The following CPEB2 variants were observed in gnomAD, a reference collection of about 807,000 sequenced individuals.
The protein encoded by CPEB2 is cytoplasmic polyadenylation element binding protein 2.
In CPEB2, 56 loss-of-function variants were observed where a neutral mutation model predicts 93.6. The observed-to-expected ratio is 0.60, with a 90% CI of 0.48 to 0.75. The LOEUF is 0.75. CPEB2 is among the 30% of genes least tolerant of loss of function. The pLI is 0.00. For synonymous variants in CPEB2, 764 were observed against 586.3 expected, an observed-to-expected ratio of 1.30 and a Z score of -4.38; for missense variants, 1,579 against 1,395.1, an observed-to-expected ratio of 1.13 and a Z score of -2.10.
intron 10 of CPEB2, among the ~76,000 whole-genome samples, chr4:15,061,097 C>T (rs7696210): frequency 2.6e-5 from 4 of 152,042 alleles, no homozygotes; most frequent in African/African-American, 4.8e-5. Flanking sequence ...TTTAATATAC[C>T]GAGTGTGGCC....
intron 4 of CPEB2, 22 bp downstream of exon 4, chr4:15,017,300 T>A (rs1724279722): frequency 4.0e-6 from 5 of 1,260,352 alleles, no homozygotes; most frequent in African/African-American, 1.5e-5. Context: ...TTTAAAAAAA[T>A]ATATGTTTAT....
intron 5 of CPEB2, among the ~76,000 whole-genome samples, chr4:15,037,402 T>C (rs1301079319): frequency 6.6e-6 from 1 of 152,206 alleles, no homozygotes; most frequent in Non-Finnish European, 1.5e-5. Flanking sequence ...TTTAGTTTCC[T>C]CATCAAGAGA....
At chr4:15,027,254 T>C (rs1725586926) in intron 4 of CPEB2, among the ~76,000 whole-genome samples, 1 of 152,204 alleles carries the variant, frequency 6.6e-6, no homozygotes, top group African/African-American at 2.4e-5. Flanking sequence ...AGTCTTAAAA[T>C]ATGATTAGGC....
At chr4:15,054,761 C>T (rs915978971) in intron 8 of CPEB2, among the ~76,000 whole-genome samples, 3 of 151,984 alleles carry the variant, frequency 2.0e-5, no homozygotes, top group Admixed American at 1.3e-4. Context: ...ATCAAGTCAC[C>T]ATCTGTGGGG....
rs115088375 is a variant in CPEB2, at chr4:15,022,892, T to C, written c.2125+5614T>C. Among the ~76,000 whole-genome samples, 392 of 152,224 alleles carry C rather than the reference T, an allele frequency of 2.6e-3. 2 individuals are homozygous for C. Among genetic ancestry groups the C allele is most frequent in the African/African-American group, 8.8e-3 (366 of 41,572 alleles). ...TGAAAGTTTTTGTTTTAAAAAAACA[T>C]TTGAAATATGACATCATGGATGGAG... is the stretch of plus-strand genomic sequence containing the variant. On this transcript the variant is annotated intron_variant, in intron 4 of 11. Transcript: ENST00000538197.
chr4:15,056,958 A>G (rs1271688040), intron 8 of CPEB2, among the ~76,000 whole-genome samples: 2 of 152,146 alleles, frequency 1.3e-5, no homozygotes, highest in Non-Finnish European at 2.9e-5. Flanking sequence ...AATATTAAAG[A>G]TATTGAATTT....
chr4:15,044,477 AT>A (rs1727473131), intron 6 of CPEB2, among the ~76,000 whole-genome samples: 1 of 152,198 alleles, frequency 6.6e-6, no homozygotes, highest in Non-Finnish European at 1.5e-5. Flanking sequence ...ATTTTAAAGC[AT>A]ATATATCTAG....
intron 6 of CPEB2, among the ~76,000 whole-genome samples, chr4:15,041,037 A>T (rs1727131844): frequency 6.6e-6 from 1 of 152,154 alleles, no homozygotes; most frequent in African/African-American, 2.4e-5. Context: ...ACACACAAAC[A>T]CATACCTTCT....
intron 11 of CPEB2, among the ~76,000 whole-genome samples, chr4:15,064,844 T>G (rs1360178947): frequency 6.6e-6 from 1 of 152,042 alleles, no homozygotes; most frequent in African/African-American, 2.4e-5. Context: ...AGATAAAAAT[T>G]AAGCATAACA....
intron 4 of CPEB2, chr4:15,017,572 G>C (rs541166828): frequency 1.0e-5 from 2 of 200,972 alleles, no homozygotes; most frequent in Non-Finnish European, 2.0e-5. Context: ...CACTTTTCTA[G>C]AATTCTTTCA....
At chr4:15,019,881 TCAAA>T (rs952578936) in intron 4 of CPEB2, among the ~76,000 whole-genome samples, 8 of 152,134 alleles carry the variant, frequency 5.3e-5, no homozygotes, top group African/African-American at 1.9e-4. Flanking sequence ...ATACATTATC[TCAAA>T]CAATTTCTGT....
rs567414102 is a variant in CPEB2, at chr4:15,037,552, C to A, written c.2177-2912C>A. Among the ~76,000 whole-genome samples, 11 of 152,156 alleles carry A rather than the reference C, an allele frequency of 7.2e-5. No homozygotes were observed. In the East Asian group the frequency reaches 1.9e-3, roughly 27 times the overall value. Reference sequence around the variant, plus strand: ...TTTCTAGTCAGAATATTAGAATCATCCTGTTTTTGTTTTTTGTAGCTATGG... The same window carrying A: ...TTTCTAGTCAGAATATTAGAATCATACTGTTTTTGTTTTTTGTAGCTATGG... On this transcript the variant is annotated intron_variant, in intron 5 of 11. Transcript: ENST00000538197.
At chr4:15,040,379 A>G in intron 5 of CPEB2, 85 bp from the exon 6 acceptor site, 2 of 1,314,332 alleles carry the variant, frequency 1.5e-6, no homozygotes, top group Non-Finnish European at 2.1e-6. Context: ...AGATGCCCAC[A>G]TAGCTTTTCG....
At chr4:15,011,441 A>T (rs1308406800) in intron 3 of CPEB2, among the ~76,000 whole-genome samples, 1 of 152,062 alleles carries the variant, frequency 6.6e-6, no homozygotes, top group African/African-American at 2.4e-5. Context: ...TAATTACTGT[A>T]CTTTAAAATG....
chr4:15,030,195 T>TA (rs1475731013), intron 4 of CPEB2, among the ~76,000 whole-genome samples: 1 of 152,090 alleles, frequency 6.6e-6, no homozygotes, highest in Non-Finnish European at 1.5e-5. Context: ...TCTTAAATTA[T>TA]GAAATATACT....
At chr4:15,062,874 G>A (rs1263415376) in intron 11 of CPEB2, among the ~76,000 whole-genome samples, 3 of 151,988 alleles carry the variant, frequency 2.0e-5, no homozygotes, top group Non-Finnish European at 4.4e-5. Context: ...AGAAGTACTA[G>A]GAATGATAAC....
intron 4 of CPEB2, among the ~76,000 whole-genome samples, chr4:15,031,333 G>A (rs1279128924): frequency 6.6e-6 from 1 of 151,146 alleles, no homozygotes; most frequent in African/African-American, 2.4e-5. Context: ...GCCTTAAACT[G>A]TTCTCCAAAT....
In CPEB2 at chr4:15,066,476, C is replaced by A; in HGVS notation, c.*96C>A. ...GACATGCAGAAGAAATAAGTGCATTCTTCTGCTTTTCACCCCAGCTATCAA... is the reference window on the plus strand; with the variant it reads ...GACATGCAGAAGAAATAAGTGCATTATTCTGCTTTTCACCCCAGCTATCAA... On this transcript the variant is annotated 3_prime_UTR_variant, in exon 12 of 12. Coordinates refer to ENST00000538197, the MANE Select transcript of CPEB2 (RefSeq NM_001177382.2). The A allele has an allele frequency of 1.1e-6, 1 of 876,494 alleles. No homozygotes were observed. The highest frequency in any genetic ancestry group is 1.6e-5 in the South Asian group (1 of 63,468). 54.3% of individuals were successfully genotyped at this position (876,494 alleles called of 1,614,324 possible).
intron 5 of CPEB2, 88 bp from the exon 6 acceptor site, chr4:15,040,376 C>G (rs967947917): frequency 6.4e-6 from 8 of 1,242,404 alleles, no homozygotes; most frequent in Admixed American, 2.0e-5. Context: ...TTCAGATGCC[C>G]ACATAGCTTT....
Sources: gnomAD v4.1 joint callset for allele counts (sites outside exome capture counted in the v4.1 genomes callset) on GRCh38, gnomAD v4.1.1 for gene constraint, MANE v1.5 for transcripts, NCBI Gene and HGNC (gene_info 2026-07-23, HGNC 2026-07-21) for gene names.